The following PLCB1 variants were observed in gnomAD, a reference collection of about 807,000 sequenced individuals.
PLCB1 encodes 1-phosphatidylinositol 4,5-bisphosphate phosphodiesterase beta-1.
PLCB1 carries 46 observed loss-of-function variants against 161.8 expected under a neutral mutation model. The ratio of observed to expected loss-of-function variants is 0.28; its 90% CI spans 0.22 to 0.36. PLCB1 has a LOEUF of 0.36. PLCB1 is among the 10% of genes least tolerant of loss of function. The pLI, the probability that PLCB1 is intolerant of heterozygous loss-of-function variation, is 1.00. For missense variants in PLCB1, 1,016 were observed against 1,472.5 expected (o/e 0.69, Z 5.07); for synonymous variants, 517 against 503.7 (o/e 1.03, Z -0.35).
In PLCB1 at chr20:8,422,592, C is replaced by T. The variant is rs571670359; in HGVS notation, c.246+51142C>T. On this transcript the variant is annotated intron_variant, in intron 3 of 31. Transcript: ENST00000338037. Reference sequence around the variant, plus strand: ...ATTATACCTCAATAAAAACGTATAACGTTTATCTTATGAAATTTGAGTGCA... The same window carrying T: ...ATTATACCTCAATAAAAACGTATAATGTTTATCTTATGAAATTTGAGTGCA... Among the ~76,000 whole-genome samples, 6 of 152,210 alleles carry T rather than the reference C, an allele frequency of 3.9e-5. No individual in the cohort carries two copies. The South Asian group carries it at 1.0e-3, about 26-fold the overall frequency.
At chr20:8,812,681 G>A (rs1984885131) in intron 31 of PLCB1, among the ~76,000 whole-genome samples, 1 of 152,188 alleles carries the variant, frequency 6.6e-6, no homozygotes, top group African/African-American at 2.4e-5. Flanking sequence ...CCCCTTGGAA[G>A]ACACACTGAT....
At chr20:8,606,695 A>G (rs777285575) in intron 3 of PLCB1, among the ~76,000 whole-genome samples, 12 of 152,208 alleles carry the variant, frequency 7.9e-5, no homozygotes, top group Non-Finnish European at 1.6e-4. Context: ...GAGGGACTTG[A>G]TGGCTTCATA....
chr20:8,188,727 A>G (rs2051933436), intron 2 of PLCB1, among the ~76,000 whole-genome samples: 1 of 152,140 alleles, frequency 6.6e-6, no homozygotes, highest in Non-Finnish European at 1.5e-5. Flanking sequence ...CGACGTTTTC[A>G]CTTTCAAAAC....
At chr20:8,370,217 A>G (rs1986862916) in intron 2 of PLCB1, among the ~76,000 whole-genome samples, 1 of 152,228 alleles carries the variant, frequency 6.6e-6, no homozygotes, top group Non-Finnish European at 1.5e-5. Context: ...CTGGTGGTAG[A>G]GTCCACTGTC....
intron 9 of PLCB1, among the ~76,000 whole-genome samples, chr20:8,667,780 G>A (rs1989849266): frequency 6.6e-6 from 1 of 152,228 alleles, no homozygotes; most frequent in Non-Finnish European, 1.5e-5. Context: ...GCTGAGTCTT[G>A]TTAAAACTTC....
intron 2 of PLCB1, among the ~76,000 whole-genome samples, chr20:8,275,887 C>T (rs571786359): frequency 6.6e-6 from 1 of 151,732 alleles, no homozygotes; most frequent in South Asian, 2.1e-4. Context: ...TATCTTTTGT[C>T]AGTGTCAAGG....
intron 3 of PLCB1, among the ~76,000 whole-genome samples, chr20:8,626,537 G>A (rs184299356): frequency 2.0e-5 from 3 of 152,248 alleles, no homozygotes; most frequent in Admixed American, 1.3e-4. Context: ...AATGCTTGGG[G>A]GAGAAAAAAG....
chr20:8,258,627 A>G (rs1319995559), intron 2 of PLCB1, among the ~76,000 whole-genome samples: 1 of 152,208 alleles, frequency 6.6e-6, no homozygotes, highest in East Asian at 1.9e-4. Flanking sequence ...CAGATTAATA[A>G]TAATTACTTC....
chr20:8,195,802 T>C (rs1342415352), intron 2 of PLCB1, among the ~76,000 whole-genome samples: 1 of 152,148 alleles, frequency 6.6e-6, no homozygotes, highest in African/African-American at 2.4e-5. Context: ...TGTCTCTCAG[T>C]CTTGATTTGT....
chr20:8,473,612 G>A (rs1391063741), intron 3 of PLCB1, among the ~76,000 whole-genome samples: 2 of 152,124 alleles, frequency 1.3e-5, no homozygotes, highest in African/African-American at 4.8e-5. Context: ...CAAGACCGAG[G>A]TGCCTGCCAC....
chr20:8,410,882 G>A lies in PLCB1; in HGVS notation c.246+39432G>A, dbSNP rs185415984. Among the ~76,000 whole-genome samples, 72 of 152,316 alleles carry A rather than the reference G, an allele frequency of 4.7e-4. 1 individual carries two copies. The East Asian group carries it at 0.013, about 27-fold the overall frequency. ...TTTGACACAGACAGAGGAGGAGGAGGCAATGTGAAGATGGAGGCAGAGGTT... is the reference window on the plus strand; with the variant it reads ...TTTGACACAGACAGAGGAGGAGGAGACAATGTGAAGATGGAGGCAGAGGTT... On this transcript the variant is annotated intron_variant, in intron 3 of 31. Coordinates refer to ENST00000338037, the MANE Select transcript of PLCB1 (RefSeq NM_015192.4).
At chr20:8,845,805 A>G (rs1260955735) in intron 31 of PLCB1, among the ~76,000 whole-genome samples, 1 of 152,268 alleles carries the variant, frequency 6.6e-6, no homozygotes, top group Non-Finnish European at 1.5e-5. Context: ...ACAATTAACC[A>G]ACATAATATA....
intron 3 of PLCB1, among the ~76,000 whole-genome samples, chr20:8,406,262 C>CT (rs1432495433): frequency 6.6e-6 from 1 of 152,110 alleles, no homozygotes; most frequent in East Asian, 1.9e-4. Flanking sequence ...GTGATAAAAG[C>CT]TGTTTCTCTC....
intron 2 of PLCB1, among the ~76,000 whole-genome samples, chr20:8,352,174 C>G (rs778593043): frequency 7.2e-4 from 109 of 152,014 alleles, no homozygotes; most frequent in Non-Finnish European, 1.4e-3. Flanking sequence ...GCTTTCAAAC[C>G]ATGCAAAGAC....
chr20:8,253,576 A>G (rs796320467), intron 2 of PLCB1, among the ~76,000 whole-genome samples: 6 of 152,154 alleles, frequency 3.9e-5, no homozygotes, highest in African/African-American at 1.4e-4. Context: ...GACAGGAAGA[A>G]TATTGAGTTG....
chr20:8,414,221 C>A (rs1979171708), intron 3 of PLCB1, among the ~76,000 whole-genome samples: 2 of 151,996 alleles, frequency 1.3e-5, no homozygotes, highest in Non-Finnish European at 2.9e-5. Context: ...GTGGTGTCTG[C>A]ACATATTTTT....
At chr20:8,301,841 C>T (rs749374983) in intron 2 of PLCB1, among the ~76,000 whole-genome samples, 7 of 152,244 alleles carry the variant, frequency 4.6e-5, no homozygotes, top group South Asian at 4.1e-4. Context: ...GCAGTATTTA[C>T]GTCATCTCCA....
chr20:8,368,908 T>A (rs919431458), intron 2 of PLCB1, among the ~76,000 whole-genome samples: 2 of 141,162 alleles, frequency 1.4e-5, no homozygotes, highest in African/African-American at 5.2e-5. Flanking sequence ...GCAAACTCTG[T>A]CTCATCCTTG....
rs3222517 is a variant in PLCB1, at chr20:8,881,328, C to CGTGTGTGTGT, written c.3424-272_3424-263dup. On this transcript the variant is annotated intron_variant, in intron 31 of 31. Coordinates refer to ENST00000338037, the MANE Select transcript of PLCB1 (RefSeq NM_015192.4). ...ACTCTGACACCTTTTTCAAAAGACC[C>CGTGTGTGTGT]GTGTGTGTGTGTGTGTGTGTGTGTG... Among the ~76,000 whole-genome samples, 3,179 of 128,926 alleles carry CGTGTGTGTGT rather than the reference C, an allele frequency of 0.025. 67 individuals carry two copies. Among genetic ancestry groups the CGTGTGTGTGT allele is most frequent in the East Asian group, 0.089 (433 of 4,850 alleles). The allele number at this position is 128,926 out of a possible 152,430, so 84.6% of individuals were successfully genotyped here.
Sources: allele counts gnomAD v4.1 joint callset (sites outside exome capture counted in the v4.1 genomes callset), GRCh38; gene constraint gnomAD v4.1.1; transcripts MANE v1.5; gene names NCBI Gene and HGNC (gene_info 2026-07-23, HGNC 2026-07-21).